OTUD7A: variants seen among roughly 807,000 people sequenced by gnomAD.
OTUD7A encodes OTU domain-containing protein 7A.
Under a neutral mutation model 65.7 loss-of-function variants are expected in OTUD7A, and 12 were observed. That is an observed-to-expected ratio of 0.18 (90% CI 0.12 to 0.30). The LOEUF (loss-of-function observed/expected upper bound fraction) is 0.30. OTUD7A is among the 10% of genes least tolerant of loss of function. OTUD7A has a pLI of 1.00. For synonymous variants in OTUD7A, 641 were observed against 586.3 expected (o/e 1.09, Z -1.35); for missense variants, 1,148 against 1,304.8 (o/e 0.88, Z 1.85).
intron 1 of OTUD7A, among the ~76,000 whole-genome samples, chr15:31,715,319 A>G (rs918767248): frequency 3.5e-5 from 5 of 142,522 alleles, no homozygotes; most frequent in African/African-American, 1.3e-4. Flanking sequence ...CCAGCACTGC[A>G]GGCTGAGCCT....
At chr15:31,839,592 C>G (rs1172901846) in intron 1 of OTUD7A, among the ~76,000 whole-genome samples, 1 of 152,206 alleles carries the variant, frequency 6.6e-6, no homozygotes, top group Non-Finnish European at 1.5e-5. Flanking sequence ...TGCACAGAAG[C>G]ACGTGTGAGA....
At chr15:31,591,352 C>A (rs139536712) in intron 3 of OTUD7A, among the ~76,000 whole-genome samples, 4 of 152,152 alleles carry the variant, frequency 2.6e-5, no homozygotes, top group Admixed American at 2.0e-4. Context: ...CTAGACAAGA[C>A]ATTTGCTCAG....
intron 1 of OTUD7A, among the ~76,000 whole-genome samples, chr15:31,687,911 A>G (rs910442075): frequency 3.3e-5 from 5 of 152,194 alleles, no homozygotes; most frequent in African/African-American, 1.2e-4. Flanking sequence ...TAAAAGACAA[A>G]GAATGTAAAA....
chr15:31,859,120 A>C (rs1336980769), intron 1 of OTUD7A, among the ~76,000 whole-genome samples: 4 of 152,240 alleles, frequency 2.6e-5, no homozygotes, highest in Admixed American at 2.6e-4. Context: ...AACCTGGCAA[A>C]CAGTTTGATT....
chr15:31,725,238 G>A (rs1051273136), intron 1 of OTUD7A, among the ~76,000 whole-genome samples: 3 of 152,186 alleles, frequency 2.0e-5, no homozygotes, highest in Non-Finnish European at 2.9e-5. Flanking sequence ...GAAACTGAAC[G>A]ACCAAGGGTG....
rs2141059641 is a variant in OTUD7A at position 31,483,814 on chromosome 15, G to T, written c.2282C>A (p.Ala761Asp). The change falls in exon 13 of 13, where the codon GCC (alanine) becomes GAC (aspartate). Residue 761 changes from alanine (A) to aspartate (D), a missense_variant. Ala to Asp is a moderately radical substitution (Grantham distance 126). Coordinates refer to ENST00000307050, the MANE Select transcript of OTUD7A (RefSeq NM_001382637.1). ...GCTGCGGCCAGGCACTGGTCCGCTG[G>T]CGCTCGCACGCCGCGCGCCTCCCCC... ...SPGGGARRAS[A>D]SGPVPGRSPP... 1.0e-6 allele frequency: 1 copy of T among 999,950 alleles called. No homozygotes were observed. The highest frequency in any genetic ancestry group is 1.1e-4 in the East Asian group (1 of 9,482). The allele number at this position is 999,950 out of a possible 1,614,324, so 61.9% of individuals were successfully genotyped here.
chr15:31,690,105 G>C (rs1484898162), intron 1 of OTUD7A, among the ~76,000 whole-genome samples: 1 of 152,062 alleles, frequency 6.6e-6, no homozygotes, highest in East Asian at 1.9e-4. Context: ...CATAGGATAA[G>C]GTCCCTAGTT....
chr15:31,571,213 A>C (rs953475356), intron 3 of OTUD7A, among the ~76,000 whole-genome samples: 94 of 152,310 alleles, frequency 6.2e-4, no homozygotes, highest in Non-Finnish European at 1.5e-5. Flanking sequence ...AACAATTAAA[A>C]ATTAAAAAAT....
Position 31,580,051 on chromosome 15 carries a change from G to A in OTUD7A, c.152-9854C>T, listed in dbSNP as rs1196522936. On this transcript the variant is annotated intron_variant, in intron 3 of 12. Transcript: ENST00000307050. ...ATCCAAGGGGCTCCCTGGGAGAAGT[G>A]TCATTTTAGTCTGAGATCAAAAAGA... Among the ~76,000 whole-genome samples, 4 of 152,336 alleles carry A rather than the reference G, an allele frequency of 2.6e-5. No individual in the cohort carries two copies. In the East Asian group the frequency reaches 7.7e-4, roughly 29 times the overall value.
At chr15:31,766,879 T>C in intron 1 of OTUD7A, 1 of 1,610,390 alleles carries the variant, frequency 6.2e-7, no homozygotes, top group Middle Eastern at 1.7e-4. Flanking sequence ...GGATGCCTCT[T>C]TACTTGAATT....
chr15:31,768,638 G>C (rs1006545205), intron 1 of OTUD7A, among the ~76,000 whole-genome samples: 2 of 151,360 alleles, frequency 1.3e-5, no homozygotes, highest in East Asian at 3.9e-4. Flanking sequence ...CAGCCTAGGT[G>C]ACAGAGACCC....
intron 8 of OTUD7A, 115 bp from the exon 9 acceptor site, chr15:31,503,933 T>C (rs1023691677): frequency 2.3e-6 from 3 of 1,287,298 alleles, no homozygotes; most frequent in Non-Finnish European, 2.1e-6. Context: ...ATTATCTTCA[T>C]GGACCCCGGC....
Position 31,818,110 on chromosome 15 carries a change from T to C in OTUD7A, c.-100+52397A>G, listed in dbSNP as rs115827949. ...CCATCTATGGAGCAGAGAGCAAGGG[T>C]GCATCAGACAATGAATATGCCAGTG... On this transcript the variant is annotated intron_variant, in intron 1 of 12. Coordinates refer to ENST00000307050, the MANE Select transcript of OTUD7A (RefSeq NM_001382637.1). 5.3e-4 allele frequency among the ~76,000 whole-genome samples: 81 copies of C among 152,306 alleles called. 1 individual carries two copies. The highest frequency in any genetic ancestry group is 1.7e-3 in the African/African-American group (71 of 41,564).
intron 1 of OTUD7A, among the ~76,000 whole-genome samples, chr15:31,862,398 G>A (rs1164389670): frequency 6.6e-6 from 1 of 152,166 alleles, no homozygotes; most frequent in African/African-American, 2.4e-5. Flanking sequence ...GAGCTTGCTT[G>A]TATTAGTTCA....
chr15:31,759,864 C>A (rs1227192908), intron 1 of OTUD7A, among the ~76,000 whole-genome samples: 1 of 152,120 alleles, frequency 6.6e-6, no homozygotes, highest in East Asian at 1.9e-4. Flanking sequence ...ATGCTTTGTC[C>A]ATGCTTCCCT....
intron 8 of OTUD7A, among the ~76,000 whole-genome samples, chr15:31,507,746 A>C (rs1230275746): frequency 6.6e-6 from 1 of 152,022 alleles, no homozygotes; most frequent in African/African-American, 2.4e-5. Flanking sequence ...TACTTTTAGG[A>C]TTCTGCTGAT....
intron 1 of OTUD7A, among the ~76,000 whole-genome samples, chr15:31,765,333 C>G (rs1162000013): frequency 1.3e-5 from 2 of 152,124 alleles, no homozygotes; most frequent in Non-Finnish European, 2.9e-5. Flanking sequence ...ATATTCTTCA[C>G]ATTCTTATAC....
intron 3 of OTUD7A, among the ~76,000 whole-genome samples, chr15:31,625,049 C>T (rs1200155264): frequency 6.6e-6 from 1 of 152,214 alleles, no homozygotes; most frequent in Non-Finnish European, 1.5e-5. Context: ...TAAGCTGTCG[C>T]TTTATCTCTC....
At chr15:31,504,366 C>A (rs953208946) in intron 8 of OTUD7A, among the ~76,000 whole-genome samples, 2 of 152,130 alleles carry the variant, frequency 1.3e-5, no homozygotes, top group Non-Finnish European at 2.9e-5. Flanking sequence ...GGAGGGGATG[C>A]GATGTGAATG....
Sources: gnomAD v4.1 joint callset for allele counts (sites outside exome capture counted in the v4.1 genomes callset) on GRCh38, gnomAD v4.1.1 for gene constraint, MANE v1.5 for transcripts, NCBI Gene and HGNC (gene_info 2026-07-23, HGNC 2026-07-21) for gene names.